SNX3: variants seen among roughly 807,000 people sequenced by gnomAD.
SNX3 encodes sorting nexin 3, also known as sorting nexin-3.
Under a neutral mutation model 17.7 loss-of-function variants are expected in SNX3, and 5 were observed. That is an observed-to-expected ratio of 0.28 (90% CI 0.15 to 0.59). SNX3 has a LOEUF of 0.59. SNX3 is among the 20% of genes least tolerant of loss of function. The pLI is 0.88. For missense variants in SNX3, 132 were observed against 206.8 expected (o/e 0.64, Z 2.22); for synonymous variants, 91 against 76.5 (o/e 1.19, Z -0.99).
At chr6:108,236,382 T>TC (rs1480883371) in intron 1 of SNX3, among the ~76,000 whole-genome samples, 1 of 137,690 alleles carries the variant, frequency 7.3e-6, no homozygotes, top group East Asian at 2.0e-4. Context: ...ATTATTATTT[T>TC]TTTTTTTTTT....
intron 1 of SNX3, among the ~76,000 whole-genome samples, chr6:108,253,825 T>C (rs1775944488): frequency 6.6e-6 from 1 of 152,156 alleles, no homozygotes; most frequent in South Asian, 2.1e-4. Context: ...ACTGGGATGC[T>C]TTTTAAACCA....
At chr6:108,258,348 C>T (rs1325695889) in intron 1 of SNX3, among the ~76,000 whole-genome samples, 1 of 151,826 alleles carries the variant, frequency 6.6e-6, no homozygotes, top group African/African-American at 2.4e-5. Flanking sequence ...ATCCCAGCTA[C>T]TCAGGAGGCT....
chr6:108,225,725 C>T (rs1212519459), intron 1 of SNX3, among the ~76,000 whole-genome samples: 1 of 151,738 alleles, frequency 6.6e-6, no homozygotes, highest in Non-Finnish European at 1.5e-5. Flanking sequence ...GGTATGAGAC[C>T]AGTATTTTAT....
intron 1 of SNX3, among the ~76,000 whole-genome samples, chr6:108,249,327 C>T (rs998511756): frequency 2.0e-5 from 3 of 152,126 alleles, no homozygotes; most frequent in Non-Finnish European, 4.4e-5. Flanking sequence ...TAGGCTGAAG[C>T]AGGAGAATTG....
intron 2 of SNX3, among the ~76,000 whole-genome samples, chr6:108,217,452 C>A (rs1316862746): frequency 1.3e-5 from 2 of 152,018 alleles, no homozygotes; most frequent in Admixed American, 6.6e-5. Context: ...CTGAAAACAC[C>A]TAACTGGAAT....
At chr6:108,230,023 T>C (rs1470448721) in intron 1 of SNX3, among the ~76,000 whole-genome samples, 1 of 152,004 alleles carries the variant, frequency 6.6e-6, no homozygotes, top group East Asian at 1.9e-4. Flanking sequence ...CTCTAGTTGA[T>C]TCCTAGGTTT....
At chr6:108,219,167 G>T (rs546430132) in intron 2 of SNX3, among the ~76,000 whole-genome samples, 1 of 151,232 alleles carries the variant, frequency 6.6e-6, no homozygotes, top group Non-Finnish European at 1.5e-5. Flanking sequence ...TTGCTAACAC[G>T]GTGAAACCCC....
intron 1 of SNX3, among the ~76,000 whole-genome samples, chr6:108,229,613 GTT>G (rs926523854): frequency 3.5e-4 from 53 of 152,266 alleles, no homozygotes; most frequent in African/African-American, 1.2e-3. Flanking sequence ...TTGAGACAGA[GTT>G]TCGCTCTTGT....
chr6:108,246,907 G>A (rs888994750), intron 1 of SNX3, among the ~76,000 whole-genome samples: 1 of 152,128 alleles, frequency 6.6e-6, no homozygotes, highest in Non-Finnish European at 1.5e-5. Flanking sequence ...GATCATCAGA[G>A]TTTAGCATGG....
intron 1 of SNX3, among the ~76,000 whole-genome samples, chr6:108,239,025 C>T (rs1056202453): frequency 6.6e-6 from 1 of 151,830 alleles, no homozygotes; most frequent in Non-Finnish European, 1.5e-5. Flanking sequence ...GTCAGCCTCC[C>T]GAGTAGCTGG....
intron 1 of SNX3, among the ~76,000 whole-genome samples, chr6:108,250,887 AAGT>A (rs1775836700): frequency 1.3e-5 from 2 of 152,214 alleles, no homozygotes; most frequent in Non-Finnish European, 2.9e-5. Context: ...GCTGGACACA[AAGT>A]AACTTTACAA....
At chr6:108,238,507 G>A (rs764516485) in intron 1 of SNX3, among the ~76,000 whole-genome samples, 15 of 152,160 alleles carry the variant, frequency 9.9e-5, no homozygotes, top group Non-Finnish European at 1.5e-4. Context: ...GCATGTGCCT[G>A]TAGTCCCAGC....
intron 1 of SNX3, among the ~76,000 whole-genome samples, chr6:108,258,678 A>G (rs950072079): frequency 3.3e-5 from 5 of 151,516 alleles, no homozygotes; most frequent in Non-Finnish European, 5.9e-5. Context: ...CGCCCAACTA[A>G]TTTCTTTTTT....
intron 1 of SNX3, among the ~76,000 whole-genome samples, chr6:108,250,122 G>A (rs551581768): frequency 6.4e-4 from 98 of 152,186 alleles, no homozygotes; most frequent in African/African-American, 2.2e-3. Context: ...TGTTGGTCAG[G>A]CTGGTCTTGA....
intron 1 of SNX3, among the ~76,000 whole-genome samples, chr6:108,243,850 A>G (rs2114750991): frequency 6.6e-6 from 1 of 152,262 alleles, no homozygotes; most frequent in African/African-American, 2.4e-5. Context: ...CAAGAATCGC[A>G]TGAACCTGGG....
intron 1 of SNX3, among the ~76,000 whole-genome samples, chr6:108,249,761 G>T (rs1035046006): frequency 6.6e-6 from 1 of 152,198 alleles, no homozygotes; most frequent in Non-Finnish European, 1.5e-5. Flanking sequence ...TAGGAGGAAA[G>T]AATGGTATCT....
In SNX3 at chr6:108,260,980, C is replaced by T; in HGVS notation, c.-59G>A. 3 of 1,397,914 alleles carry T rather than the reference C, an allele frequency of 2.1e-6. No individual in the cohort carries two copies. The highest frequency in any genetic ancestry group is 2.0e-4 in the Middle Eastern group (1 of 4,996). The allele number at this position is 1,397,914 out of a possible 1,614,324, so 86.6% of individuals were successfully genotyped here. On this transcript the variant is annotated 5_prime_UTR_variant, in exon 1 of 4. Transcript: ENST00000230085. Reference sequence around the variant, plus strand: ...CTCCGCCCCCTCCGCGTTCAGCCGCCGCCGCCGCCGCTGCTGCCCGCCGTG... The same window carrying T: ...CTCCGCCCCCTCCGCGTTCAGCCGCTGCCGCCGCCGCTGCTGCCCGCCGTG...
At position 108,211,984 on chromosome 6, in the gene SNX3, T is replaced by C. The variant is rs1774419788; in HGVS notation, c.*165A>G. 7.5e-6 allele frequency: 4 copies of C among 533,184 alleles called. No homozygotes were observed. The South Asian group carries it at 9.6e-5, about 13-fold the overall frequency. The allele number at this position is 533,184 out of a possible 1,614,324, so 33.0% of individuals were successfully genotyped here. On this transcript the variant is annotated 3_prime_UTR_variant, in exon 4 of 4. Coordinates refer to ENST00000230085, the MANE Select transcript of SNX3 (RefSeq NM_003795.6). ...AATGAGGGATTTTTACTAAAGCAAA[T>C]TAACTTCTTGTCAACTGCCAAAACA...
At chr6:108,248,122 G>A (rs1775747149) in intron 1 of SNX3, among the ~76,000 whole-genome samples, 1 of 152,076 alleles carries the variant, frequency 6.6e-6, no homozygotes, top group South Asian at 2.1e-4. Context: ...AAAGAGACAG[G>A]TGCTCCCCCT....
Sources: allele counts gnomAD v4.1 joint callset (sites outside exome capture counted in the v4.1 genomes callset), GRCh38; gene constraint gnomAD v4.1.1; transcripts MANE v1.5; gene names NCBI Gene and HGNC (gene_info 2026-07-23, HGNC 2026-07-21).